Variants in GRID2 observed in about 807,000 individuals in gnomAD.
GRID2 encodes glutamate receptor ionotropic, delta-2.
A neutral mutation model predicts 114.8 loss-of-function variants in GRID2; 33 were observed. The ratio of observed to expected loss-of-function variants is 0.29; its 90% CI spans 0.22 to 0.38. The LOEUF (loss-of-function observed/expected upper bound fraction) is 0.38. GRID2 is among the 10% of genes least tolerant of loss of function. GRID2 has a pLI of 1.00. For synonymous variants in GRID2, 505 were observed against 449.9 expected (o/e 1.12, Z -1.55); for missense variants, 1,184 against 1,257.7 (o/e 0.94, Z 0.89).
At chr4:93,358,491 T>A (rs1483170882) in intron 8 of GRID2, among the ~76,000 whole-genome samples, 1 of 151,900 alleles carries the variant, frequency 6.6e-6, no homozygotes, top group Non-Finnish European at 1.5e-5. Context: ...TTTATATTAG[T>A]AAATGAAATA....
At chr4:93,612,540 A>G (rs372266050) in intron 13 of GRID2, among the ~76,000 whole-genome samples, 5 of 102,440 alleles carry the variant, frequency 4.9e-5, no homozygotes, top group East Asian at 2.5e-4. Flanking sequence ...TTGCTTGTCT[A>G]TAAAGTATTT....
At chr4:93,680,108 C>T (rs1182213052) in intron 14 of GRID2, among the ~76,000 whole-genome samples, 2 of 148,136 alleles carry the variant, frequency 1.4e-5, no homozygotes, top group South Asian at 2.1e-4. Context: ...CACTGCCAAT[C>T]CCACAGGAAT....
intron 2 of GRID2, among the ~76,000 whole-genome samples, chr4:92,717,119 A>G (rs1246585212): frequency 1.3e-5 from 2 of 152,186 alleles, no homozygotes; most frequent in South Asian, 2.1e-4. Flanking sequence ...GGCAATGTGA[A>G]TGAGGGGAGG....
intron 14 of GRID2, among the ~76,000 whole-genome samples, chr4:93,694,358 C>A (rs1578588975): frequency 1.3e-5 from 2 of 152,146 alleles, no homozygotes; most frequent in Admixed American, 1.3e-4. Flanking sequence ...CTCATTTAGC[C>A]TTACTGTTTC....
intron 1 of GRID2, among the ~76,000 whole-genome samples, chr4:92,580,788 C>T (rs950296812): frequency 6.6e-6 from 1 of 151,394 alleles, no homozygotes; most frequent in African/African-American, 2.4e-5. Flanking sequence ...TAAATTGTTA[C>T]AAGAAGAAAA....
chr4:93,403,649 G>A (rs1030582779), intron 9 of GRID2, among the ~76,000 whole-genome samples: 3 of 152,072 alleles, frequency 2.0e-5, no homozygotes, highest in Non-Finnish European at 4.4e-5. Flanking sequence ...TTTCCATCAA[G>A]GAAATGCAAA....
intron 8 of GRID2, among the ~76,000 whole-genome samples, chr4:93,243,231 C>A (rs1265354804): frequency 6.6e-6 from 1 of 151,994 alleles, no homozygotes; most frequent in Non-Finnish European, 1.5e-5. Context: ...CCAGATCTAA[C>A]ACTCAAGTAA....
intron 14 of GRID2, among the ~76,000 whole-genome samples, chr4:93,644,505 G>T (rs1293746898): frequency 1.3e-5 from 2 of 152,020 alleles, no homozygotes; most frequent in South Asian, 2.1e-4. Flanking sequence ...TTGTTCTGAT[G>T]ATTTTTCTCA....
At chr4:92,652,334 A>T (rs1731982591) in intron 2 of GRID2, among the ~76,000 whole-genome samples, 1 of 152,004 alleles carries the variant, frequency 6.6e-6, no homozygotes, top group African/African-American at 2.4e-5. Flanking sequence ...GGCATCCTGT[A>T]GCCTAGTCAA....
chr4:92,801,334 A>G (rs1319881223), intron 2 of GRID2, among the ~76,000 whole-genome samples: 3 of 151,996 alleles, frequency 2.0e-5, no homozygotes, highest in Admixed American at 6.6e-5. Flanking sequence ...TTTATGGCAT[A>G]TTAATCATAT....
intron 14 of GRID2, among the ~76,000 whole-genome samples, chr4:93,721,732 G>C (rs1268773457): frequency 6.6e-6 from 1 of 151,926 alleles, no homozygotes; most frequent in Non-Finnish European, 1.5e-5. Context: ...TAGCATGTTT[G>C]TCTTTAAAAG....
intron 2 of GRID2, among the ~76,000 whole-genome samples, chr4:92,821,602 TTC>T: frequency 6.6e-6 from 1 of 152,280 alleles, no homozygotes; most frequent in Admixed American, 6.5e-5. Flanking sequence ...GCATTCCACA[TTC>T]ATTAATGTAA....
At chr4:92,439,044 G>C (rs574712515) in intron 1 of GRID2, among the ~76,000 whole-genome samples, 1 of 152,032 alleles carries the variant, frequency 6.6e-6, no homozygotes, top group African/African-American at 2.4e-5. Context: ...GGCTGAGTCC[G>C]AAAAGAGAGT....
At chr4:93,136,221 T>A (rs934376782) in intron 4 of GRID2, among the ~76,000 whole-genome samples, 10 of 146,646 alleles carry the variant, frequency 6.8e-5, no homozygotes, top group Non-Finnish European at 1.5e-4. Flanking sequence ...TGTTAAAAAT[T>A]CCAACAGTTA....
chr4:93,790,070 C>G (rs1320221140), intron 1 of GRID2, among the ~76,000 whole-genome samples: 1 of 150,664 alleles, frequency 6.6e-6, no homozygotes, highest in Non-Finnish European at 1.5e-5. Context: ...AACCATCCCC[C>G]TCCCCCCACT....
intron 2 of GRID2, among the ~76,000 whole-genome samples, chr4:92,704,725 C>CTCTCTT (rs1734865028): frequency 1.2e-4 from 16 of 133,234 alleles, no homozygotes; most frequent in South Asian, 2.6e-4. Context: ...CTCTCTCTTT[C>CTCTCTT]TCTCTCTCTC....
chr4:92,379,095 A>C (rs1429181036), intron 1 of GRID2, among the ~76,000 whole-genome samples: 1 of 152,022 alleles, frequency 6.6e-6, no homozygotes, highest in African/African-American at 2.4e-5. Context: ...ATTTGGTACC[A>C]GAATAACAAG....
At chr4:92,809,477 C>T (rs191051004) in intron 2 of GRID2, among the ~76,000 whole-genome samples, 12 of 151,974 alleles carry the variant, frequency 7.9e-5, no homozygotes, top group East Asian at 7.8e-4. Flanking sequence ...AGTGAATATA[C>T]GTTTAATATT....
chr4:92,578,722 A>G (rs1003831485), intron 1 of GRID2, among the ~76,000 whole-genome samples: 11 of 87,966 alleles, frequency 1.3e-4, no homozygotes, highest in African/African-American at 3.5e-4. Flanking sequence ...ATCATTATCT[A>G]TCTATCTATC....
Sources: gnomAD v4.1 joint callset for allele counts (sites outside exome capture counted in the v4.1 genomes callset) on GRCh38, gnomAD v4.1.1 for gene constraint, MANE v1.5 for transcripts, NCBI Gene and HGNC (gene_info 2026-07-23, HGNC 2026-07-21) for gene names.